Variants in PARD3 observed in about 807,000 individuals in gnomAD.
PARD3 encodes the protein par-3 family cell polarity regulator.
In PARD3, 75 loss-of-function variants were observed where a neutral mutation model predicts 155.4. The ratio of observed to expected loss-of-function variants is 0.48; its 90% CI spans 0.40 to 0.58. PARD3 has a LOEUF of 0.58. PARD3 is among the 20% of genes least tolerant of loss of function. The probability of loss-of-function intolerance (pLI) is 0.00; values close to 1 mark genes in which losing one functional copy is unlikely to be tolerated. For missense variants in PARD3, 1,642 were observed against 1,721.7 expected (o/e 0.95, Z 0.82); for synonymous variants, 576 against 610.5 (o/e 0.94, Z 0.83).
chr10:34,515,819 TTA>T (rs1004980065), intron 3 of PARD3, among the ~76,000 whole-genome samples: 1 of 151,860 alleles, frequency 6.6e-6, no homozygotes, highest in Non-Finnish European at 1.5e-5. Flanking sequence ...TGTATCTTAA[TTA>T]TATATATATT....
At chr10:34,118,593 GC>G (rs1946813580) in intron 24 of PARD3, among the ~76,000 whole-genome samples, 1 of 152,018 alleles carries the variant, frequency 6.6e-6, no homozygotes, top group Non-Finnish European at 1.5e-5. Flanking sequence ...TGATCTGCCT[GC>G]CTCAGCCTCC....
chr10:34,695,477 C>CT (rs2094150434), intron 2 of PARD3, among the ~76,000 whole-genome samples: 2 of 109,564 alleles, frequency 1.8e-5, no homozygotes, highest in Non-Finnish European at 3.6e-5. Context: ...GACTCCATCT[C>CT]AAAAAAAAAA....
intron 2 of PARD3, among the ~76,000 whole-genome samples, chr10:34,596,657 A>C (rs766844567): frequency 6.6e-6 from 1 of 152,160 alleles, no homozygotes; most frequent in Admixed American, 6.5e-5. Flanking sequence ...TTTCAACTCA[A>C]GATGAGATAT....
At chr10:34,395,337 T>C (rs1320608176) in intron 7 of PARD3, among the ~76,000 whole-genome samples, 1 of 152,010 alleles carries the variant, frequency 6.6e-6, no homozygotes, top group Non-Finnish European at 1.5e-5. Context: ...GCCCAGCCGA[T>C]GGTTCTCATT....
chr10:34,765,889 C>T (rs1337805099), intron 1 of PARD3, among the ~76,000 whole-genome samples: 1 of 152,126 alleles, frequency 6.6e-6, no homozygotes, highest in Non-Finnish European at 1.5e-5. Context: ...AAAGTAAGTA[C>T]TATTATTACA....
At chr10:34,615,347 G>A (rs2091183270) in intron 2 of PARD3, among the ~76,000 whole-genome samples, 1 of 152,068 alleles carries the variant, frequency 6.6e-6, no homozygotes, top group South Asian at 2.1e-4. Flanking sequence ...TTTCAACAAA[G>A]GCAAAAAGAA....
At chr10:34,681,333 G>A (rs2093815043) in intron 2 of PARD3, among the ~76,000 whole-genome samples, 2 of 152,062 alleles carry the variant, frequency 1.3e-5, no homozygotes, top group Non-Finnish European at 2.9e-5. Context: ...GTCCTTCACA[G>A]CGACAGTTTG....
At chr10:34,791,443 C>A (rs955800562) in intron 1 of PARD3, among the ~76,000 whole-genome samples, 1 of 152,170 alleles carries the variant, frequency 6.6e-6, no homozygotes, top group Non-Finnish European at 1.5e-5. Context: ...GAAGCCGGCT[C>A]GAAGCCAACA....
intron 20 of PARD3, among the ~76,000 whole-genome samples, chr10:34,296,120 C>G (rs1290472230): frequency 6.6e-6 from 1 of 152,208 alleles, no homozygotes; most frequent in Non-Finnish European, 1.5e-5. Context: ...TTTACCTCCA[C>G]TGCTTTCAAT....
chr10:34,150,090 T>C (rs558129388), intron 22 of PARD3, among the ~76,000 whole-genome samples: 8 of 152,338 alleles, frequency 5.3e-5, no homozygotes, highest in South Asian at 2.1e-4. Flanking sequence ...GAGTTTCTTG[T>C]CATATTTTGA....
chr10:34,729,530 CAAA>C (rs56210783), intron 1 of PARD3, among the ~76,000 whole-genome samples: 2 of 111,480 alleles, frequency 1.8e-5, no homozygotes, highest in Admixed American at 9.0e-5. Context: ...GACTCCATCT[CAAA>C]AAAAAAAAAA....
At chr10:34,246,648 A>C (rs1260783054) in intron 22 of PARD3, among the ~76,000 whole-genome samples, 1 of 149,926 alleles carries the variant, frequency 6.7e-6, no homozygotes. Flanking sequence ...AAAATCCTAT[A>C]AGCCCAGACA....
chr10:34,156,750 C>A (rs1949024571), intron 22 of PARD3, among the ~76,000 whole-genome samples: 1 of 152,216 alleles, frequency 6.6e-6, no homozygotes, highest in African/African-American at 2.4e-5. Flanking sequence ...CAGGCCCCTG[C>A]AGCTTCCATG....
intron 2 of PARD3, among the ~76,000 whole-genome samples, chr10:34,525,941 C>T (rs538020056): frequency 1.3e-5 from 2 of 151,576 alleles, no homozygotes; most frequent in Non-Finnish European, 2.9e-5. Context: ...ATTAGCTGGG[C>T]GTGGTGGCAC....
intron 22 of PARD3, among the ~76,000 whole-genome samples, chr10:34,139,290 A>C (rs898872965): frequency 6.6e-6 from 1 of 152,190 alleles, no homozygotes; most frequent in Non-Finnish European, 1.5e-5. Flanking sequence ...GTAACAACTC[A>C]ATCTTCACAG....
chr10:34,696,400 T>A lies in PARD3; in HGVS notation c.140A>T (p.Gln47Leu). Residue 47 changes from glutamine to leucine, a missense_variant, in exon 2 of 25, where the codon CAG becomes CTG. Coordinates refer to ENST00000374788, the MANE Select transcript of PARD3 (RefSeq NM_001184785.2). ...ATCTCCATGTTCCAAGCGATGCACC[T>A]GTATCCAGTAGTTTGGATCCTATAC... ...AIAKDPNYWI[Q>L]VHRLEHGDGG... 6.2e-7 allele frequency: 1 copy of A among 1,607,978 alleles called. No individual in the cohort carries two copies.
rs188282801 is a variant in PARD3, at chr10:34,518,401, T to C, written c.223-1242A>G. Among the ~76,000 whole-genome samples, 13 of 152,208 alleles carry C rather than the reference T, an allele frequency of 8.5e-5. No homozygotes were observed. The East Asian group carries it at 1.4e-3, about 16-fold the overall frequency. On this transcript the variant is annotated intron_variant, in intron 2 of 24. Transcript: ENST00000374788. ...TAATGAACAAGGGCTCCTTGAAAAA[T>C]GGTTGATTTCAGGGCTGTGGTCAGG...
rs535878837 is a variant in PARD3, at chr10:34,368,540, C to G, written c.1707+3958G>C. ...ACAAAAAATTAGCCAGGCATGGTGGCGGGCACCTGTAGTCCCAGCTACTCA... is the reference window on the plus strand; with the variant it reads ...ACAAAAAATTAGCCAGGCATGGTGGGGGGCACCTGTAGTCCCAGCTACTCA... On this transcript the variant is annotated intron_variant, in intron 12 of 24. Coordinates refer to ENST00000374788, the MANE Select transcript of PARD3 (RefSeq NM_001184785.2). Among the ~76,000 whole-genome samples the G allele has an allele frequency of 5.3e-5, 8 of 152,086 alleles. No homozygotes were observed. The East Asian group carries it at 1.2e-3, about 22-fold the overall frequency.
At chr10:34,322,816 C>T (rs996689390) in intron 19 of PARD3, among the ~76,000 whole-genome samples, 1 of 152,086 alleles carries the variant, frequency 6.6e-6, no homozygotes, top group Admixed American at 6.6e-5. Context: ...CTTTGTTGCA[C>T]CCATTTAACT....
Sources: allele counts gnomAD v4.1 joint callset (sites outside exome capture counted in the v4.1 genomes callset), GRCh38; gene constraint gnomAD v4.1.1; transcripts MANE v1.5; gene names NCBI Gene and HGNC (gene_info 2026-07-23, HGNC 2026-07-21).